Variants in ANO10 observed in about 807,000 individuals in gnomAD.
ANO10 encodes anoctamin 10.
In ANO10, 77 loss-of-function variants were observed where a neutral mutation model predicts 74.7. The observed-to-expected ratio is 1.03, with a 90% confidence interval of 0.86 to 1.25. The LOEUF (loss-of-function observed/expected upper bound fraction) is 1.25. Ranked by LOEUF, ANO10 falls within the 50% of genes most tolerant of loss-of-function variation. ANO10 has a pLI of 0.00. For synonymous variants in ANO10, 279 were observed against 284.9 expected (o/e 0.98, Z 0.21); for missense variants, 721 against 778.1 (o/e 0.93, Z 0.87).
intron 7 of ANO10, among the ~76,000 whole-genome samples, chr3:43,567,712 C>A (rs1366958989): frequency 2.0e-5 from 3 of 151,966 alleles, no homozygotes; most frequent in African/African-American, 4.8e-5. Flanking sequence ...ACAACTGGTA[C>A]CAGCCACTGC....
At chr3:43,375,662 T>TA (rs200612481) in intron 12 of ANO10, among the ~76,000 whole-genome samples, 2,027 of 152,050 alleles carry the variant, frequency 0.013, 44 homozygotes, top group African/African-American at 0.045. Flanking sequence ...CTCTCCTAGC[T>TA]AAAAGAGGCA....
At chr3:43,379,585 T>C (rs960156679) in intron 12 of ANO10, among the ~76,000 whole-genome samples, 2 of 152,200 alleles carry the variant, frequency 1.3e-5, no homozygotes, top group Admixed American at 1.3e-4. Flanking sequence ...GTCTGCTTGC[T>C]TTCTCAGCTG....
intron 12 of ANO10, among the ~76,000 whole-genome samples, chr3:43,404,230 T>C (rs2092534870): frequency 6.6e-6 from 1 of 152,110 alleles, no homozygotes; most frequent in African/African-American, 2.4e-5. Context: ...TAAGTAAGTG[T>C]CATGCTGCGA....
At chr3:43,439,947 A>AT (rs1010749992) in intron 11 of ANO10, among the ~76,000 whole-genome samples, 2 of 152,104 alleles carry the variant, frequency 1.3e-5, no homozygotes, top group Non-Finnish European at 2.9e-5. Context: ...AAACAAGAAG[A>AT]TTTTTTTGCA....
chr3:43,494,473 GAATA>G (rs1259431194), intron 11 of ANO10, among the ~76,000 whole-genome samples: 1 of 151,880 alleles, frequency 6.6e-6, no homozygotes, highest in Non-Finnish European at 1.5e-5. Flanking sequence ...AAAATAGAAT[GAATA>G]AATAAATAAA....
At chr3:43,517,106 T>A (rs1455439250) in intron 11 of ANO10, among the ~76,000 whole-genome samples, 1 of 152,218 alleles carries the variant, frequency 6.6e-6, no homozygotes, top group Non-Finnish European at 1.5e-5. Context: ...AGGAATTAAC[T>A]AATCAGTACA....
chr3:43,539,620 G>C (rs2078867695), intron 11 of ANO10, among the ~76,000 whole-genome samples: 2 of 152,200 alleles, frequency 1.3e-5, no homozygotes, highest in African/African-American at 4.8e-5. Context: ...GAAATGAGAA[G>C]AGACAAGAGC....
chr3:43,556,436 G>A (rs562375221), intron 9 of ANO10, among the ~76,000 whole-genome samples: 2 of 152,010 alleles, frequency 1.3e-5, no homozygotes, highest in East Asian at 1.9e-4. Context: ...ACACAGCAGC[G>A]TGCTCCACAC....
chr3:43,392,600 T>C (rs1448895226), intron 12 of ANO10, among the ~76,000 whole-genome samples: 2 of 152,238 alleles, frequency 1.3e-5, no homozygotes, highest in African/African-American at 4.8e-5. Context: ...CGTGTGTTTA[T>C]CCCCTTATAT....
intron 11 of ANO10, among the ~76,000 whole-genome samples, chr3:43,474,278 TG>T (rs2075981640): frequency 7.3e-6 from 1 of 136,904 alleles, no homozygotes; most frequent in African/African-American, 2.7e-5. Flanking sequence ...AAGAGAAAAC[TG>T]ATGGGCTCAG....
Position 43,392,751 on chromosome 3 carries a change from G to A in ANO10, c.1915-25777C>T, listed in dbSNP as rs540935697. Among the ~76,000 whole-genome samples, 5 of 152,144 alleles carry A rather than the reference G, an allele frequency of 3.3e-5. No individual in the cohort carries two copies. The East Asian group carries it at 5.8e-4, about 18-fold the overall frequency. On this transcript the variant is annotated intron_variant, in intron 12 of 12. Transcript: ENST00000292246. ...CCTCATCCCTGCTCACTCTTCAGTC[G>A]ACATTCTATTTCTCTCCTCTCTTTT...
At position 43,662,676 on chromosome 3, in the gene ANO10, T is replaced by C. The variant is rs1476734012; in HGVS notation, c.-12+28841A>G. ...GACTAGTGAAGAAAAGAGAGAAGAA[T>C]CAAATAGATGCAATAAAAAATGATA... On this transcript the variant is annotated intron_variant, in intron 1 of 3. Transcript: ENST00000413397. Among the ~76,000 whole-genome samples, 5 of 150,874 alleles carry C rather than the reference T, an allele frequency of 3.3e-5. No homozygotes were observed. The South Asian group carries it at 6.3e-4, about 19-fold the overall frequency.
At chr3:43,409,657 C>A (rs1211675580) in intron 12 of ANO10, among the ~76,000 whole-genome samples, 1 of 152,172 alleles carries the variant, frequency 6.6e-6, no homozygotes, top group African/African-American at 2.4e-5. Flanking sequence ...AAATACAGTT[C>A]ATGTTACTTA....
At chr3:43,420,483 GC>G (rs1456161445) in intron 12 of ANO10, among the ~76,000 whole-genome samples, 1 of 150,772 alleles carries the variant, frequency 6.6e-6, no homozygotes, top group Non-Finnish European at 1.5e-5. Context: ...AAAACAAAAA[GC>G]AAAAGCAAAG....
At chr3:43,425,706 G>A (rs1215586494) in intron 12 of ANO10, among the ~76,000 whole-genome samples, 1 of 152,072 alleles carries the variant, frequency 6.6e-6, no homozygotes, top group Non-Finnish European at 1.5e-5. Context: ...ATTGCAACCT[G>A]GCTGCAGTAC....
At chr3:43,658,502 C>T (rs2083883188) in intron 1 of ANO10, among the ~76,000 whole-genome samples, 1 of 151,888 alleles carries the variant, frequency 6.6e-6, no homozygotes, top group Non-Finnish European at 1.5e-5. Flanking sequence ...TGGAGTCTCG[C>T]ACTGTTGCCC....
chr3:43,556,402 T>C (rs781287213), intron 9 of ANO10, among the ~76,000 whole-genome samples: 6 of 152,150 alleles, frequency 3.9e-5, no homozygotes, highest in Non-Finnish European at 8.8e-5. Context: ...TATTAGTGTA[T>C]AGCACCAGGG....
At chr3:43,567,900 A>G (rs1217346972) in intron 7 of ANO10, among the ~76,000 whole-genome samples, 1 of 152,220 alleles carries the variant, frequency 6.6e-6, no homozygotes, top group Non-Finnish European at 1.5e-5. Context: ...AACTGGATAA[A>G]GACTCAAGAC....
rs61084802 is a variant in ANO10, at chr3:43,614,771, CTATATATA to C, written c.-12+7130_-12+7137del. On this transcript the variant is annotated intron_variant, in intron 1 of 12. Coordinates refer to ENST00000292246, the MANE Select transcript of ANO10 (RefSeq NM_018075.5). Reference sequence around the variant, plus strand: ...CCCAAATTCTTAGAAGAAAACTAAACTATATATATATATATATATATATATATATATAG... The same window carrying C: ...CCCAAATTCTTAGAAGAAAACTAAACTATATATATATATATATATATATAG... Among the ~76,000 whole-genome samples the C allele has an allele frequency of 2.7e-4, 14 of 52,700 alleles. 2 individuals are homozygous for C. Among genetic ancestry groups the C allele is most frequent in the East Asian group, 2.7e-3 (2 of 746 alleles). 34.6% of individuals were successfully genotyped at this position (52,700 alleles called of 152,430 possible). A position where few individuals can be genotyped will look rare whatever the true frequency, so the allele number is the denominator to read the frequency against.
Sources: gnomAD v4.1 joint callset for allele counts (sites outside exome capture counted in the v4.1 genomes callset) on GRCh38, gnomAD v4.1.1 for gene constraint, MANE v1.5 for transcripts, NCBI Gene and HGNC (gene_info 2026-07-23, HGNC 2026-07-21) for gene names.